The following ZFP62 variants were observed in gnomAD, a reference collection of about 807,000 sequenced individuals.
ZFP62 encodes ZFP62 zinc finger protein, also known as zinc finger protein 62 homolog.
ZFP62 carries 44 observed loss-of-function variants against 56.4 expected under a neutral mutation model. The observed-to-expected ratio is 0.78, with a 90% CI of 0.61 to 1.00. The LOEUF (loss-of-function observed/expected upper bound fraction) is 1.00, where lower values mean the gene tolerates loss of function less well. Among genes scored for constraint, ZFP62 ranks in the 50% least tolerant of loss-of-function variants. The pLI, the probability that ZFP62 is intolerant of heterozygous loss-of-function variation, is 0.00. For synonymous variants in ZFP62, 421 were observed against 388.9 expected (o/e 1.08, Z -0.97); for missense variants, 1,030 against 1,085.7 (o/e 0.95, Z 0.72).
chr5:180,850,834 C>T lies in ZFP62; in HGVS notation c.661G>A (p.Gly221Arg). The T allele has an allele frequency of 6.4e-7, 1 of 1,565,576 alleles. No individual in the cohort carries two copies. Among genetic ancestry groups the T allele is most frequent in the Non-Finnish European group, 8.7e-7 (1 of 1,155,104 alleles). ...SLINHKSTHS[G>R]EKNCKCDECG... The stretch of plus-strand genomic sequence containing the variant: ...TCATCACATTTACAGTTCTTCTCCC[C>T]AGAATGGGTGCTTTTGTGGTTTATA... Residue 221 changes from glycine to arginine, a missense_variant, in exon 2 of 2, where the codon GGG (glycine) becomes AGG (arginine). Physicochemically the swap from Gly to Arg is moderately radical, Grantham distance 125 (BLOSUM62 -2). Coordinates refer to ENST00000502412, the MANE Select transcript of ZFP62 (RefSeq NM_001172638.2).
the ZFP62 span, among the ~76,000 whole-genome samples, chr5:180,828,253 G>T: frequency 6.6e-6 from 1 of 152,202 alleles, no homozygotes; most frequent in Non-Finnish European, 1.5e-5. Context: ...CCAAACCTCT[G>T]GTGGTAAGGC....
the ZFP62 span, among the ~76,000 whole-genome samples, chr5:180,833,868 A>C: frequency 2.0e-5 from 3 of 151,922 alleles, no homozygotes; most frequent in Admixed American, 2.0e-4. Context: ...ATGGGGTTTC[A>C]CCGTGTTAGC....
At chr5:180,836,133 G>A in the ZFP62 span, among the ~76,000 whole-genome samples, 1 of 152,234 alleles carries the variant, frequency 6.6e-6, no homozygotes, top group African/African-American at 2.4e-5. Context: ...AGGCTCTCCT[G>A]GCTAGGTTTG....
At chr5:180,853,955 T>C (rs1477201748) in intron 1 of ZFP62, among the ~76,000 whole-genome samples, 4 of 152,188 alleles carry the variant, frequency 2.6e-5, no homozygotes, top group Non-Finnish European at 5.9e-5. Context: ...GAACTTATGA[T>C]TTCTAAATCA....
At chr5:180,828,387 GTC>G in the ZFP62 span, among the ~76,000 whole-genome samples, 2 of 152,172 alleles carry the variant, frequency 1.3e-5, no homozygotes, top group Admixed American at 1.3e-4. Flanking sequence ...CAATCCTCCA[GTC>G]TCTACCCAAG....
the ZFP62 span, chr5:180,832,724 T>G: frequency 1.3e-5 from 2 of 152,158 alleles, no homozygotes; most frequent in Non-Finnish European, 2.9e-5. Flanking sequence ...GAAACAGCAG[T>G]TCTCAAAATG....
downstream of ZFP62, chr5:180,846,005 G>A (rs929379212): frequency 1.3e-4 from 45 of 351,350 alleles, no homozygotes; most frequent in African/African-American, 9.6e-4. Flanking sequence ...TCTCCTCCCC[G>A]CTTTTCCCTC....
chr5:180,842,648 G>T (rs1199394310), downstream of ZFP62, among the ~76,000 whole-genome samples: 1 of 152,176 alleles, frequency 6.6e-6, no homozygotes. Context: ...TAAAAATTGT[G>T]AAGTTTTACC....
chr5:180,849,224 A>G lies in ZFP62; in HGVS notation c.2271T>C (p.Tyr757=). ...HKRIHTGEKP[Y]VCDRCGKAFR... ...AGGCCTTCCCACACCTATCACACACATAGGGTTTCTCCCCTGTGTGGATCC... is the reference window on the plus strand; with the variant it reads ...AGGCCTTCCCACACCTATCACACACGTAGGGTTTCTCCCCTGTGTGGATCC... Residue 757 remains tyrosine, a synonymous_variant, in exon 2 of 2, where the codon TAT becomes TAC. Transcript: ENST00000502412. 1 of 1,559,398 alleles carries G rather than the reference A, an allele frequency of 6.4e-7. No individual in the cohort carries two copies. Among genetic ancestry groups the G allele is most frequent in the Non-Finnish European group, 8.7e-7 (1 of 1,151,698 alleles).
intron 1 of ZFP62, among the ~76,000 whole-genome samples, chr5:180,859,590 G>A (rs183357748): frequency 6.6e-6 from 1 of 152,120 alleles, no homozygotes; most frequent in African/African-American, 2.4e-5. Context: ...AAGTAGTGGA[G>A]AAGAGATTTC....
chr5:180,844,404 T>C (rs868045947), downstream of ZFP62, among the ~76,000 whole-genome samples: 46 of 152,216 alleles, frequency 3.0e-4, no homozygotes, highest in Non-Finnish European at 1.3e-4. Flanking sequence ...GGCTTTGCCC[T>C]GCCCACCCCA....
the ZFP62 span, chr5:180,832,790 C>T: frequency 1.2e-4 from 19 of 152,332 alleles, no homozygotes; most frequent in African/African-American, 4.3e-4. Context: ...CATGCAAATT[C>T]TCAGCCACCC....
chr5:180,842,754 T>C (rs1460104153), downstream of ZFP62, among the ~76,000 whole-genome samples: 1 of 151,914 alleles, frequency 6.6e-6, no homozygotes, highest in Non-Finnish European at 1.5e-5. Flanking sequence ...TGAAAGGAAA[T>C]GAAAAGGTTG....
At chr5:180,837,503 G>C in the ZFP62 span, among the ~76,000 whole-genome samples, 1 of 152,144 alleles carries the variant, frequency 6.6e-6, no homozygotes, top group African/African-American at 2.4e-5. Context: ...AAAGCAGCCA[G>C]GTACCAAGCA....
At chr5:180,839,852 G>A in the ZFP62 span, among the ~76,000 whole-genome samples, 1 of 152,268 alleles carries the variant, frequency 6.6e-6, no homozygotes, top group South Asian at 2.1e-4. Flanking sequence ...AGAACTCCCA[G>A]CGCCAAGGAC....
chr5:180,853,677 C>T (rs764688554), intron 1 of ZFP62, among the ~76,000 whole-genome samples: 1 of 152,156 alleles, frequency 6.6e-6, no homozygotes, highest in African/African-American at 2.4e-5. Context: ...ATCCAGGCAA[C>T]TTAGAAACGT....
chr5:180,833,818 G>A, the ZFP62 span, among the ~76,000 whole-genome samples: 2 of 151,842 alleles, frequency 1.3e-5, no homozygotes, highest in African/African-American at 2.4e-5. Flanking sequence ...TTACAGGTAT[G>A]CGCCACCACA....
intron 1 of ZFP62, among the ~76,000 whole-genome samples, chr5:180,856,666 C>CA (rs1196343194): frequency 1.3e-5 from 2 of 152,048 alleles, no homozygotes; most frequent in Non-Finnish European, 2.9e-5. Context: ...ATAAAAATGA[C>CA]AGAGGCGGCC....
At position 180,851,112 on chromosome 5, in the gene ZFP62, G is replaced by A. The variant is rs1397471698; in HGVS notation, c.383C>T (p.Pro128Leu). ...RVENINGTSY[P>L]SLQQKTNAVK... Reference sequence around the variant, plus strand: ...AGCATTGGTTTTCTGCTGTAGACTAGGGTAGGAGGTTCCATTAATGTTCTC... The same window carrying A: ...AGCATTGGTTTTCTGCTGTAGACTAAGGTAGGAGGTTCCATTAATGTTCTC... The change falls in exon 2 of 2, where the codon CCT becomes CTT. Residue 128 changes from proline to leucine, a missense_variant. Transcript: ENST00000502412. 5.2e-6 allele frequency: 8 copies of A among 1,551,588 alleles called. No individual in the cohort carries two copies. The highest frequency in any genetic ancestry group is 2.0e-5 in the Admixed American group (1 of 50,986).
Sources: gnomAD v4.1 joint callset for allele counts (sites outside exome capture counted in the v4.1 genomes callset) on GRCh38, gnomAD v4.1.1 for gene constraint, MANE v1.5 for transcripts, NCBI Gene and HGNC (gene_info 2026-07-23, HGNC 2026-07-21) for gene names.